VCL: variants seen among roughly 807,000 people sequenced by gnomAD.
VCL encodes epididymis luminal protein 114.
A neutral mutation model predicts 125.7 loss-of-function variants in VCL; 47 were observed. The observed-to-expected ratio is 0.37, with a 90% CI of 0.30 to 0.48. The LOEUF is 0.48. Ranked by LOEUF, VCL falls within the 20% of genes least tolerant of loss-of-function variation. The pLI is 0.99. For missense variants in VCL, 1,069 were observed against 1,455.5 expected (o/e 0.73, Z 4.32); for synonymous variants, 458 against 514.6 (o/e 0.89, Z 1.49).
At chr10:74,070,079 ATGAG>A (rs1159860334) in intron 2 of VCL, among the ~76,000 whole-genome samples, 2 of 152,170 alleles carry the variant, frequency 1.3e-5, no homozygotes, top group African/African-American at 4.8e-5. Context: ...AGCTAGATGA[ATGAG>A]TGAGAAATTT....
chr10:74,059,673 G>C (rs1841446794), intron 2 of VCL, among the ~76,000 whole-genome samples: 1 of 152,064 alleles, frequency 6.6e-6, no homozygotes, highest in Non-Finnish European at 1.5e-5. Flanking sequence ...CCAAAGTGTT[G>C]GGATTACAGG....
chr10:74,020,973 T>G (rs1442142877), intron 1 of VCL, among the ~76,000 whole-genome samples: 2 of 152,216 alleles, frequency 1.3e-5, no homozygotes, highest in East Asian at 3.9e-4. Context: ...AATAATTGTT[T>G]TAATGAAAAA....
chr10:74,111,877 C>A (rs1485575082), intron 18 of VCL, 32 bp from the exon 19 acceptor site: 2 of 1,613,482 alleles, frequency 1.2e-6, no homozygotes, highest in South Asian at 1.1e-5. Flanking sequence ...TAACACTATC[C>A]CTATTTCTCA....
Position 74,114,404 on chromosome 10 carries a change from G to C in VCL, c.3153+17G>C, listed in dbSNP as rs775689153. On this transcript the variant is annotated intron_variant, in intron 20 of 21. Coordinates refer to ENST00000211998, the MANE Select transcript of VCL (RefSeq NM_014000.3). ...CTCTTACAGGTACTCGGGGAAAGAG[G>C]CTGCGTGTGTGTGTGTGTGTGTGTG... The C allele has an allele frequency of 6.3e-7, 1 of 1,595,022 alleles. No individual in the cohort carries two copies. The highest frequency in any genetic ancestry group is 8.5e-7 in the Non-Finnish European group (1 of 1,175,906).
chr10:74,010,861 G>T (rs1322852911), intron 1 of VCL, among the ~76,000 whole-genome samples: 1 of 152,042 alleles, frequency 6.6e-6, no homozygotes, highest in African/African-American at 2.4e-5. Context: ...AGAACTTCTG[G>T]TCCCAACATA....
At chr10:74,026,195 T>A (rs1392780453) in intron 1 of VCL, among the ~76,000 whole-genome samples, 1 of 152,226 alleles carries the variant, frequency 6.6e-6, no homozygotes, top group African/African-American at 2.4e-5. Flanking sequence ...CCAGGTAGCC[T>A]TTTCCTATTG....
chr10:74,001,582 G>T (rs981828344), intron 1 of VCL, among the ~76,000 whole-genome samples: 2 of 152,168 alleles, frequency 1.3e-5, no homozygotes, highest in African/African-American at 4.8e-5. Context: ...TTTAAAATTG[G>T]TTGGTTATGA....
chr10:74,062,367 ATTTT>A (rs34306365), intron 2 of VCL, among the ~76,000 whole-genome samples: 1 of 113,964 alleles, frequency 8.8e-6, no homozygotes. Flanking sequence ...GCCTGGCCTG[ATTTT>A]TTTTTTTTTT....
intron 15 of VCL, among the ~76,000 whole-genome samples, chr10:74,104,166 G>A (rs932845701): frequency 7.2e-5 from 11 of 152,178 alleles, no homozygotes; most frequent in East Asian, 1.9e-4. Flanking sequence ...CCCTCCTGGC[G>A]TGATGTTTAT....
chr10:74,084,005 T>C (rs1359240929), intron 8 of VCL, among the ~76,000 whole-genome samples: 2 of 152,352 alleles, frequency 1.3e-5, no homozygotes, highest in East Asian at 3.9e-4. Context: ...TAGCTGGGAT[T>C]ATAGGCGCCC....
chr10:74,068,941 A>ATAAAATTAAAATTTTAATTT (rs200410168), intron 2 of VCL, among the ~76,000 whole-genome samples: 9,470 of 151,760 alleles, frequency 0.062, 1,022 homozygotes, highest in African/African-American at 0.22. Context: ...TATATTTAAA[A>ATAAAATTAAAATTTTAATTT]TAAAATTAAA....
rs376861822 is a variant in VCL, at chr10:74,112,335, G to T, written c.2949+223G>T. On this transcript the variant is annotated intron_variant, in intron 19 of 21. Coordinates refer to ENST00000211998, the MANE Select transcript of VCL (RefSeq NM_014000.3). ...TTATGTTTAGGGGATGAAGAGAGAT[G>T]GGGGGGGTCACTTTTGGAAAGGATT... Among the ~76,000 whole-genome samples the T allele has an allele frequency of 3.4e-4, 51 of 151,768 alleles. 1 individual carries two copies. In the Middle Eastern group the frequency reaches 0.01, roughly 30 times the overall value.
intron 21 of VCL, 128 bp from the exon 22 acceptor site, chr10:74,117,895 T>C (rs1840334445): frequency 7.4e-7 from 1 of 1,353,650 alleles, no homozygotes; most frequent in Non-Finnish European, 1.1e-6. Flanking sequence ...CCCCTAGTGA[T>C]GCAAGCAAAT....
chr10:74,066,068 T>A (rs1317698418), intron 2 of VCL, among the ~76,000 whole-genome samples: 4 of 149,148 alleles, frequency 2.7e-5, no homozygotes, highest in African/African-American at 7.3e-5. Flanking sequence ...TATATTTTTT[T>A]TTTTTTTTGA....
Position 74,071,078 on chromosome 10 carries a change from G to A in VCL, c.494G>A (p.Gly165Glu). 1 of 1,613,900 alleles carries A rather than the reference G, an allele frequency of 6.2e-7. No homozygotes were observed. Among genetic ancestry groups the A allele is most frequent in the Non-Finnish European group, 8.5e-7 (1 of 1,179,866 alleles). ...TTGGTCACTTACACAAAGAATCTTG[G>A]GCCAGGTTAGTTTTATCCAATTTCT... ...EDLVTYTKNL[G>E]PGMTKMAKMI... The change falls in exon 4 of 22, where the codon GGG becomes GAG. Residue 165 changes from glycine to glutamate, a missense_variant. This residue lies in a region of VCL where 760 missense variants were observed against 928.9 expected (regional missense o/e 0.82). Transcript: ENST00000211998. The surrounding 1 kb of genome is among the most constrained non-coding windows in gnomAD (Gnocchi z 4.1).
At chr10:74,020,178 C>T (rs1224086347) in intron 1 of VCL, among the ~76,000 whole-genome samples, 3 of 152,046 alleles carry the variant, frequency 2.0e-5, no homozygotes, top group Admixed American at 6.6e-5. Context: ...TAACTTGTCC[C>T]GAGCCAGTAA....
At chr10:74,013,557 T>G (rs551666193) in intron 1 of VCL, among the ~76,000 whole-genome samples, 19 of 152,106 alleles carry the variant, frequency 1.2e-4, no homozygotes, top group African/African-American at 4.3e-4. Flanking sequence ...CAGCATATGA[T>G]AATCAGCACA....
rs141503166 is a variant in VCL at position 74,089,239 on chromosome 10, G to A, written c.1066G>A (p.Val356Ile). 13 of 1,614,012 alleles carry A rather than the reference G, an allele frequency of 8.1e-6. No individual in the cohort carries two copies. In the African/African-American group the frequency reaches 1.3e-4, roughly 17 times the overall value. The change falls in exon 9 of 22, where the codon GTA becomes ATA. Residue 356 changes from valine to isoleucine, a missense_variant. This residue lies in a region of VCL where 760 missense variants were observed against 928.9 expected (regional missense o/e 0.82). Coordinates refer to ENST00000211998, the MANE Select transcript of VCL (RefSeq NM_014000.3). ...SPVAMQKAQQ[V>I]SQGLDVLTAK... ...GGTGGCCATGCAGAAAGCTCAGCAG[G>A]TATCTCAGGGTCTGGATGTGCTCAC...
At chr10:74,073,300 C>T (rs914276270) in intron 5 of VCL, among the ~76,000 whole-genome samples, 7 of 152,076 alleles carry the variant, frequency 4.6e-5, no homozygotes, top group African/African-American at 1.4e-4. Flanking sequence ...AAATGAGACC[C>T]GATTGATTGG....
Sources: allele counts gnomAD v4.1 joint callset (sites outside exome capture counted in the v4.1 genomes callset), GRCh38; gene constraint gnomAD v4.1.1; regional missense constraint gnomAD v4.1.1; non-coding constraint Gnocchi (gnomAD v3.1); transcripts MANE v1.5; gene names NCBI Gene and HGNC (gene_info 2026-07-23, HGNC 2026-07-21).